The following ADCY5 variants were observed in gnomAD, a reference collection of about 807,000 sequenced individuals.
ADCY5 encodes adenylate cyclase type 5.
Under a neutral mutation model 119.7 loss-of-function variants are expected in ADCY5, and 30 were observed. That is an observed-to-expected ratio of 0.25 (90% CI 0.19 to 0.34). The LOEUF (loss-of-function observed/expected upper bound fraction) is 0.34, where lower values mean the gene tolerates loss of function less well. Ranked by LOEUF, ADCY5 falls within the 10% of genes least tolerant of loss-of-function variation. The probability of loss-of-function intolerance (pLI) is 1.00; values close to 1 mark genes in which losing one functional copy is unlikely to be tolerated. For missense variants in ADCY5, 1,324 were observed against 1,775.2 expected, an observed-to-expected ratio of 0.75 and a Z score of 4.57; for synonymous variants, 753 against 762.2, an observed-to-expected ratio of 0.99 and a Z score of 0.20.
chr3:123,317,480 A>G (rs944654325), intron 11 of ADCY5, among the ~76,000 whole-genome samples: 1 of 151,960 alleles, frequency 6.6e-6, no homozygotes, highest in African/African-American at 2.4e-5. Context: ...CACGCCTGTA[A>G]TCCTAGCACT....
rs1491583420 is a variant in ADCY5 at position 123,345,761 on chromosome 3, G to GACACACACACAC, written c.1406+2020_1406+2021insGTGTGTGTGTGT. Among the ~76,000 whole-genome samples the GACACACACACAC allele has an allele frequency of 4.5e-3, 163 of 35,984 alleles. 1 individual carries two copies. The highest frequency in any genetic ancestry group is 0.015 in the African/African-American group (147 of 9,580). 23.6% of individuals were successfully genotyped at this position (35,984 alleles called of 152,430 possible). On this transcript the variant is annotated intron_variant, in intron 3 of 20. Coordinates refer to ENST00000462833, the MANE Select transcript of ADCY5 (RefSeq NM_183357.3). The stretch of plus-strand genomic sequence containing the variant: ...AGACAGACAGACAGACAGACAGACA[G>GACACACACACAC]ACAGACAGACACACACACACACACA...
At chr3:123,396,531 GAAAA>G (rs1444841568) in intron 1 of ADCY5, among the ~76,000 whole-genome samples, 2 of 99,234 alleles carry the variant, frequency 2.0e-5, no homozygotes, top group East Asian at 2.7e-4. Context: ...GAGAGAGAAA[GAAAA>G]GAAAGAAAGA....
intron 1 of ADCY5, among the ~76,000 whole-genome samples, chr3:123,399,602 T>G (rs1375340169): frequency 6.6e-6 from 1 of 152,232 alleles, no homozygotes; most frequent in Admixed American, 6.5e-5. Context: ...GTTAACTATA[T>G]GCATATTATT....
intron 1 of ADCY5, among the ~76,000 whole-genome samples, chr3:123,391,839 C>G (rs114349865): frequency 6.6e-6 from 1 of 152,184 alleles, no homozygotes; most frequent in African/African-American, 2.4e-5. Flanking sequence ...ATAGTCCCAC[C>G]GGCTAACAGT....
chr3:123,296,357 T>C, intron 16 of ADCY5, 141 bp from the exon 17 acceptor site: 5 of 1,021,742 alleles, frequency 4.9e-6, no homozygotes, highest in South Asian at 1.8e-5. Flanking sequence ...TGCTCAAACT[T>C]TGCCGCACGC....
chr3:123,361,972 C>G (rs1329919864), intron 1 of ADCY5, among the ~76,000 whole-genome samples: 1 of 152,174 alleles, frequency 6.6e-6, no homozygotes, highest in East Asian at 1.9e-4. Context: ...TTTTCAGATT[C>G]AGGATGCTCT....
chr3:123,290,751 C>T (rs1939095559), intron 18 of ADCY5, among the ~76,000 whole-genome samples: 1 of 152,150 alleles, frequency 6.6e-6, no homozygotes, highest in Non-Finnish European at 1.5e-5. Context: ...CCCATGCACC[C>T]TAGATGGCAC....
intron 8 of ADCY5, among the ~76,000 whole-genome samples, chr3:123,322,420 G>A (rs1167224502): frequency 6.6e-6 from 1 of 152,198 alleles, no homozygotes; most frequent in Non-Finnish European, 1.5e-5. Flanking sequence ...GTAGGGGGCT[G>A]GGACCATCCT....
At chr3:123,311,693 G>T (rs573911510) in intron 12 of ADCY5, among the ~76,000 whole-genome samples, 1 of 152,128 alleles carries the variant, frequency 6.6e-6, no homozygotes, top group Non-Finnish European at 1.5e-5. Context: ...AGCCCAGAGC[G>T]GCAGGTTCCA....
At chr3:123,405,890 C>T (rs1038639416) in intron 1 of ADCY5, among the ~76,000 whole-genome samples, 16 of 152,146 alleles carry the variant, frequency 1.1e-4, no homozygotes, top group African/African-American at 3.9e-4. Flanking sequence ...CTGCCTTGGC[C>T]TCCCAAAGTG....
chr3:123,294,787 C>A (rs992024269), intron 17 of ADCY5, among the ~76,000 whole-genome samples: 1 of 152,086 alleles, frequency 6.6e-6, no homozygotes, highest in African/African-American at 2.4e-5. Context: ...AGGGATGACG[C>A]AGGGAGTGAC....
At chr3:123,365,308 T>C (rs989282487) in intron 1 of ADCY5, among the ~76,000 whole-genome samples, 2 of 152,312 alleles carry the variant, frequency 1.3e-5, no homozygotes, top group East Asian at 3.9e-4. Flanking sequence ...CAACTTCTAA[T>C]GCTGCCAGCT....
intron 12 of ADCY5, among the ~76,000 whole-genome samples, chr3:123,310,888 G>A (rs1179672221): frequency 6.6e-6 from 1 of 152,128 alleles, no homozygotes; most frequent in Non-Finnish European, 1.5e-5. Flanking sequence ...GCACTGAGCT[G>A]TGTCTGGAAA....
At chr3:123,356,343 T>A (rs79534883) in intron 1 of ADCY5, among the ~76,000 whole-genome samples, 1 of 152,174 alleles carries the variant, frequency 6.6e-6, no homozygotes, top group African/African-American at 2.4e-5. Flanking sequence ...AAGGGCACCA[T>A]CAAGAATGTG....
chr3:123,378,321 T>A (rs1943913251), intron 1 of ADCY5, among the ~76,000 whole-genome samples: 1 of 151,876 alleles, frequency 6.6e-6, no homozygotes, highest in Admixed American at 6.5e-5. Context: ...CCAGGACCCT[T>A]GACTCTAACG....
intron 1 of ADCY5, among the ~76,000 whole-genome samples, chr3:123,365,661 G>C (rs529760103): frequency 6.6e-6 from 1 of 152,352 alleles, no homozygotes; most frequent in South Asian, 2.1e-4. Context: ...CTAAATGCAA[G>C]AGTAGGAAAG....
chr3:123,322,908 A>G (rs1416108454), intron 8 of ADCY5, among the ~76,000 whole-genome samples: 2 of 152,094 alleles, frequency 1.3e-5, no homozygotes, highest in East Asian at 3.8e-4. Flanking sequence ...CCAGCCCCCC[A>G]TCCCTGCTTC....
In ADCY5 at chr3:123,310,089, A is replaced by G. The variant is rs114556184; in HGVS notation, c.2442+4146T>C. Among the ~76,000 whole-genome samples the G allele has an allele frequency of 3.7e-3, 471 of 126,390 alleles. 6 individuals are homozygous for G. Among genetic ancestry groups the G allele is most frequent in the African/African-American group, 0.013 (444 of 34,022 alleles). The allele number at this position is 126,390 out of a possible 152,430, so 82.9% of individuals were successfully genotyped here. On this transcript the variant is annotated intron_variant, in intron 12 of 20. Transcript: ENST00000462833. The stretch of plus-strand genomic sequence containing the variant: ...AAAGCAAGCCATCAGGCTGGGGGAT[A>G]AGAGAGAGAGATTTACACACACACA...
At chr3:123,428,074 G>A (rs1217985321) in intron 1 of ADCY5, among the ~76,000 whole-genome samples, 1 of 152,184 alleles carries the variant, frequency 6.6e-6, no homozygotes, top group Non-Finnish European at 1.5e-5. Context: ...GTCTGAAGTC[G>A]AGTCTAGAAA....
Sources: allele counts gnomAD v4.1 joint callset (sites outside exome capture counted in the v4.1 genomes callset), GRCh38; gene constraint gnomAD v4.1.1; transcripts MANE v1.5; gene names NCBI Gene and HGNC (gene_info 2026-07-23, HGNC 2026-07-21).